TENM4: variants seen among roughly 807,000 people sequenced by gnomAD.
TENM4 encodes teneurin-4.
In TENM4, 82 loss-of-function variants were observed where a neutral mutation model predicts 243.3. The ratio of observed to expected loss-of-function variants is 0.34; its 90% CI spans 0.28 to 0.40. The LOEUF is 0.40. TENM4 is among the 10% of genes least tolerant of loss of function. TENM4 has a pLI of 1.00. For synonymous variants in TENM4, 1,412 were observed against 1,456.3 expected (o/e 0.97, Z 0.69); for missense variants, 3,138 against 3,673.3 (o/e 0.85, Z 3.77).
chr11:79,054,103 G>T (rs779319799), intron 6 of TENM4, among the ~76,000 whole-genome samples: 1 of 152,130 alleles, frequency 6.6e-6, no homozygotes, highest in African/African-American at 2.4e-5. Flanking sequence ...ATCTTCCTAA[G>T]TCAGCTCTCC....
At chr11:79,064,219 G>A (rs1358087209) in intron 6 of TENM4, among the ~76,000 whole-genome samples, 1 of 152,138 alleles carries the variant, frequency 6.6e-6, no homozygotes, top group East Asian at 1.9e-4. Flanking sequence ...CTGAAACGCT[G>A]TACCCTTTGA....
chr11:78,850,638 C>A (rs1435959805), intron 12 of TENM4, among the ~76,000 whole-genome samples: 1 of 152,134 alleles, frequency 6.6e-6, no homozygotes, highest in Non-Finnish European at 1.5e-5. Flanking sequence ...ATTCATTAAA[C>A]CATCACTGTA....
chr11:78,660,516 T>G (rs1162406103), intron 33 of TENM4, among the ~76,000 whole-genome samples: 1 of 151,988 alleles, frequency 6.6e-6, no homozygotes, highest in Non-Finnish European at 1.5e-5. Flanking sequence ...TTCTCCGGGG[T>G]CTGGTAGGAG....
At chr11:78,980,368 C>G (rs1257162909) in intron 6 of TENM4, among the ~76,000 whole-genome samples, 3 of 152,210 alleles carry the variant, frequency 2.0e-5, no homozygotes, top group African/African-American at 7.2e-5. Context: ...TGGCCAATGT[C>G]ACATAGCCAC....
At chr11:78,665,484 G>A (rs1443573861) in intron 32 of TENM4, among the ~76,000 whole-genome samples, 1 of 152,132 alleles carries the variant, frequency 6.6e-6, no homozygotes, top group Non-Finnish European at 1.5e-5. Flanking sequence ...GTTGGCCAGG[G>A]TGGTCTTGAA....
At chr11:79,334,698 A>G (rs943760741) in intron 1 of TENM4, among the ~76,000 whole-genome samples, 1 of 152,248 alleles carries the variant, frequency 6.6e-6, no homozygotes, top group Non-Finnish European at 1.5e-5. Context: ...GTCCTGAGAC[A>G]TCAGTAAGTC....
chr11:79,238,733 A>G (rs893828689), intron 2 of TENM4, among the ~76,000 whole-genome samples: 12 of 152,010 alleles, frequency 7.9e-5, no homozygotes, highest in African/African-American at 2.7e-4. Context: ...AGGACTCAAG[A>G]ATTAGGTGCA....
chr11:79,255,994 T>C (rs536895775), intron 2 of TENM4, among the ~76,000 whole-genome samples: 4 of 152,308 alleles, frequency 2.6e-5, no homozygotes, highest in Admixed American at 1.3e-4. Context: ...TTTGGGGTGA[T>C]ATCAATGGAA....
At chr11:78,926,345 C>T (rs995694567) in intron 6 of TENM4, among the ~76,000 whole-genome samples, 6 of 148,320 alleles carry the variant, frequency 4.0e-5, no homozygotes, top group East Asian at 2.0e-4. Flanking sequence ...GGCATGATCT[C>T]GGCTCACTGT....
At chr11:78,742,679 A>G (rs551527952) in intron 19 of TENM4, among the ~76,000 whole-genome samples, 134 of 152,176 alleles carry the variant, frequency 8.8e-4, no homozygotes, top group Non-Finnish European at 1.8e-3. Context: ...CATGAGTCCA[A>G]CCACACACTC....
intron 1 of TENM4, among the ~76,000 whole-genome samples, chr11:79,429,986 T>A (rs1342179034): frequency 6.6e-6 from 1 of 152,122 alleles, no homozygotes; most frequent in Non-Finnish European, 1.5e-5. Flanking sequence ...CTGGGAGTTG[T>A]AGCTGATGAC....
intron 4 of TENM4, among the ~76,000 whole-genome samples, chr11:79,104,160 A>G (rs917737641): frequency 6.6e-5 from 10 of 151,916 alleles, no homozygotes; most frequent in African/African-American, 2.2e-4. Flanking sequence ...TAACCATCTC[A>G]TTTTCTTCCC....
intron 1 of TENM4, among the ~76,000 whole-genome samples, chr11:79,377,243 T>G (rs998370099): frequency 2.0e-5 from 3 of 152,200 alleles, no homozygotes; most frequent in Non-Finnish European, 4.4e-5. Context: ...CTGATACTGA[T>G]TTTGAACTCC....
At chr11:79,377,825 A>G (rs547151962) in intron 1 of TENM4, among the ~76,000 whole-genome samples, 4 of 152,340 alleles carry the variant, frequency 2.6e-5, no homozygotes, top group Non-Finnish European at 4.4e-5. Context: ...CTGGAAAGCT[A>G]TAACGTCCTA....
chr11:78,669,284 T>G lies in TENM4; in HGVS notation c.7061A>C (p.Asp2354Ala). Residue 2354 changes from aspartate to alanine, a missense_variant, in exon 32 of 34, where the codon GAT (aspartate) becomes GCT (alanine). This residue lies in a region of TENM4 where 2,467 missense variants were observed against 3,059.1 expected (regional missense o/e 0.81). Coordinates refer to ENST00000278550, the MANE Select transcript of TENM4 (RefSeq NM_001098816.3). This position sits in a 1 kb window ranked among gnomAD's most constrained non-coding sequence, Gnocchi z 6.4. ...GTTGTCACAAGCTATGTAAAACTCA[T>G]CACCACTGCTCAGCTCCATGGCAAA... ...HLFAMELSSG[D>A]EFYIACDNIG... 1 of 1,614,006 alleles carries G rather than the reference T, an allele frequency of 6.2e-7. No homozygotes were observed.
intron 6 of TENM4, among the ~76,000 whole-genome samples, chr11:79,003,255 C>A (rs1858381586): frequency 6.6e-6 from 1 of 152,012 alleles, no homozygotes; most frequent in African/African-American, 2.4e-5. Flanking sequence ...AAAATTTCCC[C>A]AACCTTGCTA....
At chr11:79,424,560 G>A (rs972792160) in intron 1 of TENM4, among the ~76,000 whole-genome samples, 3 of 152,018 alleles carry the variant, frequency 2.0e-5, no homozygotes, top group Non-Finnish European at 4.4e-5. Flanking sequence ...TTATGCCCAG[G>A]AGGTCAAGGC....
chr11:78,894,209 G>A (rs1010120552), intron 7 of TENM4, among the ~76,000 whole-genome samples: 3 of 152,134 alleles, frequency 2.0e-5, no homozygotes, highest in African/African-American at 7.2e-5. Flanking sequence ...TCTACAGCAT[G>A]AGCAGGTCCA....
Position 78,670,503 on chromosome 11 carries a change from C to T in TENM4, c.5842G>A (p.Asp1948Asn), listed in dbSNP as rs754933715. 19 of 1,613,096 alleles carry T rather than the reference C, an allele frequency of 1.2e-5. No individual in the cohort carries two copies. Among genetic ancestry groups the T allele is most frequent in the Admixed American group, 6.7e-5 (4 of 59,966 alleles). ...HSQRQYIFEF[D>N]KNDRLSSVTM... ...ACAGAAGAGAGGCGGTCATTCTTGTCGAACTCAAAGATATACTGCCTCTGG... is the reference window on the plus strand; with the variant it reads ...ACAGAAGAGAGGCGGTCATTCTTGTTGAACTCAAAGATATACTGCCTCTGG... Residue 1948 changes from aspartate (D) to asparagine (N), a missense_variant, in exon 32 of 34, where the codon GAC becomes AAC. Coordinates refer to ENST00000278550, the MANE Select transcript of TENM4 (RefSeq NM_001098816.3).
Sources: gnomAD v4.1 joint callset for allele counts (sites outside exome capture counted in the v4.1 genomes callset) on GRCh38, gnomAD v4.1.1 for gene constraint, gnomAD v4.1.1 regional missense constraint, Gnocchi (gnomAD v3.1) non-coding constraint, MANE v1.5 for transcripts, NCBI Gene and HGNC (gene_info 2026-07-23, HGNC 2026-07-21) for gene names.